LMBRD1: variants seen among roughly 807,000 people sequenced by gnomAD.
LMBRD1 encodes the protein lysosomal cobalamin transport escort protein LMBD1.
In LMBRD1, 64 loss-of-function variants were observed where a neutral mutation model predicts 74.8. The observed-to-expected ratio is 0.86, with a 90% CI of 0.70 to 1.05. LMBRD1 has a LOEUF of 1.05. Ranked by LOEUF, LMBRD1 falls within the 50% of genes least tolerant of loss-of-function variation. The pLI is 0.00. For synonymous variants in LMBRD1, 204 were observed against 216.3 expected (o/e 0.94, Z 0.50); for missense variants, 652 against 645.9 (o/e 1.01, Z -0.10).
chr6:69,732,535 T>A (rs1001878500), intron 7 of LMBRD1, among the ~76,000 whole-genome samples: 1 of 152,164 alleles, frequency 6.6e-6, no homozygotes, highest in African/African-American at 2.4e-5. Flanking sequence ...AACTAAGACA[T>A]GGAGGCAAAC....
At chr6:69,755,531 T>C (rs1217624907) in intron 3 of LMBRD1, among the ~76,000 whole-genome samples, 1 of 148,242 alleles carries the variant, frequency 6.7e-6, no homozygotes, top group Non-Finnish European at 1.5e-5. Context: ...CAAACCACCA[T>C]GGCACACGTA....
intron 8 of LMBRD1, 65 bp from the exon 9 acceptor site, chr6:69,713,862 T>C: frequency 1.3e-6 from 2 of 1,578,868 alleles, no homozygotes; most frequent in South Asian, 1.1e-5. Flanking sequence ...CCAGCAGATT[T>C]AGCAGATCAG....
rs181703711 is a variant in LMBRD1 at position 69,682,121 on chromosome 6, A to T, written c.1418-5580T>A. ...TTTCGGAAACTAATGAAATACATCC[A>T]AATAAATGGGAAGGCAGAAAAAATG... On this transcript the variant is annotated intron_variant, in intron 14 of 15. Coordinates refer to ENST00000649934, the MANE Select transcript of LMBRD1 (RefSeq NM_018368.4). Among the ~76,000 whole-genome samples, 488 of 152,020 alleles carry T rather than the reference A, an allele frequency of 3.2e-3. 4 individuals carry two copies. Among genetic ancestry groups the T allele is most frequent in the Non-Finnish European group, 4.8e-3 (324 of 67,812 alleles).
intron 7 of LMBRD1, among the ~76,000 whole-genome samples, chr6:69,725,569 C>T (rs1766714449): frequency 6.6e-6 from 1 of 151,840 alleles, no homozygotes; most frequent in Non-Finnish European, 1.5e-5. Flanking sequence ...AGAGAACCCA[C>T]AAACAAATCT....
At chr6:69,734,111 T>C (rs1766921723) in intron 7 of LMBRD1, among the ~76,000 whole-genome samples, 1 of 152,130 alleles carries the variant, frequency 6.6e-6, no homozygotes, top group African/African-American at 2.4e-5. Context: ...ATAATTTTAT[T>C]GTTTATGCTG....
chr6:69,764,482 A>G (rs531894417), intron 3 of LMBRD1, among the ~76,000 whole-genome samples: 49 of 152,308 alleles, frequency 3.2e-4, no homozygotes, highest in African/African-American at 1.2e-3. Context: ...CTCCCACTCT[A>G]TATTTTGTTA....
chr6:69,729,636 G>A (rs554220325), intron 7 of LMBRD1, among the ~76,000 whole-genome samples: 1 of 151,868 alleles, frequency 6.6e-6, no homozygotes, highest in South Asian at 2.1e-4. Context: ...CTTATTAGAA[G>A]AGCTGAACTG....
chr6:69,745,058 T>C lies in LMBRD1; in HGVS notation c.474-3181A>G, dbSNP rs146627465. Reference sequence around the variant, plus strand: ...ACCATGTTGGCCAGCATGGTCTCGATCTCTTGACCTCGTGATCCACCTCCC... The same window carrying C: ...ACCATGTTGGCCAGCATGGTCTCGACCTCTTGACCTCGTGATCCACCTCCC... On this transcript the variant is annotated intron_variant, in intron 5 of 15. Transcript: ENST00000649934. Among the ~76,000 whole-genome samples the C allele has an allele frequency of 7.0e-3, 1,059 of 151,952 alleles. 22 individuals carry two copies. The East Asian group carries it at 0.078, about 11-fold the overall frequency.
At chr6:69,726,111 T>C (rs1426883902) in intron 7 of LMBRD1, among the ~76,000 whole-genome samples, 1 of 152,066 alleles carries the variant, frequency 6.6e-6, no homozygotes, top group African/African-American at 2.4e-5. Flanking sequence ...GACATACAAA[T>C]GACAGACAAA....
intron 3 of LMBRD1, among the ~76,000 whole-genome samples, chr6:69,756,428 A>T (rs6455340): frequency 0.57 from 86,032 of 151,564 alleles, 24,926 homozygotes; most frequent in East Asian, 0.73. Context: ...AAGATGCTCA[A>T]CACCATAAGT....
intron 3 of LMBRD1, among the ~76,000 whole-genome samples, chr6:69,769,120 A>C (rs1765526957): frequency 1.3e-5 from 2 of 151,832 alleles, no homozygotes; most frequent in African/African-American, 4.8e-5. Flanking sequence ...TTCTCTTTTC[A>C]TTCTGAGATT....
chr6:69,679,047 A>AC (rs796484067), intron 14 of LMBRD1, among the ~76,000 whole-genome samples: 2 of 120,516 alleles, frequency 1.7e-5, no homozygotes, highest in African/African-American at 5.5e-5. Context: ...TTAAAACAAA[A>AC]AAAAAAAAAC....
At chr6:69,693,087 G>C (rs1487481702) in intron 14 of LMBRD1, among the ~76,000 whole-genome samples, 1 of 151,978 alleles carries the variant, frequency 6.6e-6, no homozygotes, top group East Asian at 1.9e-4. Context: ...AGGTCCCCTT[G>C]GAATAATAGC....
chr6:69,747,084 A>G (rs993339057), intron 5 of LMBRD1, among the ~76,000 whole-genome samples: 2 of 151,672 alleles, frequency 1.3e-5, no homozygotes, highest in Admixed American at 6.6e-5. Flanking sequence ...AACAAAATCC[A>G]TATGTTGAAG....
intron 14 of LMBRD1, among the ~76,000 whole-genome samples, chr6:69,677,909 G>C (rs1765580100): frequency 6.6e-6 from 1 of 152,060 alleles, no homozygotes; most frequent in Non-Finnish European, 1.5e-5. Flanking sequence ...CCCCATATTA[G>C]TTTTGTACAA....
intron 7 of LMBRD1, among the ~76,000 whole-genome samples, chr6:69,736,151 T>C (rs961345049): frequency 1.3e-5 from 2 of 152,284 alleles, no homozygotes; most frequent in Non-Finnish European, 2.9e-5. Context: ...TCTCCACGCA[T>C]CTTTCATTTC....
chr6:69,796,843 G>T lies in LMBRD1; in HGVS notation c.39C>A (p.Ile13=), dbSNP rs368494826. 1.9e-6 allele frequency: 3 copies of T among 1,613,966 alleles called. No individual in the cohort carries two copies. Among genetic ancestry groups the T allele is most frequent in the Middle Eastern group, 1.6e-4 (1 of 6,062 alleles). ...GTAAGAGGCCGAATATGCACCAGCC[G>T]ATCACCAGCTCCGCCGAGGCCGCGC... ...TSGAASAELV[I]GWCIFGLLLL... is the part of the protein sequence containing the mutation. Residue 13 remains isoleucine, a synonymous_variant, in exon 1 of 16, where the codon ATC becomes ATA. Transcript: ENST00000649934.
intron 9 of LMBRD1, 120 bp downstream of exon 9, chr6:69,713,525 C>T (rs1218669598): frequency 9.8e-7 from 1 of 1,019,996 alleles, no homozygotes; most frequent in Non-Finnish European, 1.5e-6. Context: ...CCAGATTAAA[C>T]CCCCAAATCC....
chr6:69,690,314 C>T (rs1173417103), intron 14 of LMBRD1, among the ~76,000 whole-genome samples: 1 of 152,106 alleles, frequency 6.6e-6, no homozygotes, highest in Non-Finnish European at 1.5e-5. Flanking sequence ...TCAAGATCTC[C>T]ACTTGATGTT....
Sources: allele counts gnomAD v4.1 joint callset (sites outside exome capture counted in the v4.1 genomes callset), GRCh38; gene constraint gnomAD v4.1.1; transcripts MANE v1.5; gene names NCBI Gene and HGNC (gene_info 2026-07-23, HGNC 2026-07-21).